GRM5: variants seen among roughly 807,000 people sequenced by gnomAD.
The protein encoded by GRM5 is glutamate metabotropic receptor 5.
A neutral mutation model predicts 83.1 loss-of-function variants in GRM5; 19 were observed. The ratio of observed to expected loss-of-function variants is 0.23; its 90% CI spans 0.16 to 0.34. The LOEUF is 0.34. Among genes scored for constraint, GRM5 ranks in the 10% least tolerant of loss-of-function variants. GRM5 has a pLI of 1.00. For synonymous variants in GRM5, 675 were observed against 633.6 expected (o/e 1.07, Z -0.98); for missense variants, 1,160 against 1,588.3 (o/e 0.73, Z 4.58).
intron 3 of GRM5, among the ~76,000 whole-genome samples, chr11:88,676,900 G>A (rs1004475081): frequency 3.3e-5 from 5 of 151,998 alleles, no homozygotes; most frequent in African/African-American, 1.2e-4. Flanking sequence ...TCATTTTGTT[G>A]AAATAACTCG....
Position 88,560,641 on chromosome 11 carries a change from G to A in GRM5, c.2630+6412C>T, listed in dbSNP as rs936299029. 3.9e-5 allele frequency among the ~76,000 whole-genome samples: 6 copies of A among 152,184 alleles called. 1 individual carries two copies. The highest frequency in any genetic ancestry group is 9.7e-5 in the African/African-American group (4 of 41,450). On this transcript the variant is annotated intron_variant, in intron 8 of 9. Transcript: ENST00000305447. Reference sequence around the variant, plus strand: ...AGTAATCTTGTTCACTCTGAAGGCAGTGTGAGCTCCATGAGGTGCTGCCCA... The same window carrying A: ...AGTAATCTTGTTCACTCTGAAGGCAATGTGAGCTCCATGAGGTGCTGCCCA...
intron 2 of GRM5, among the ~76,000 whole-genome samples, chr11:89,013,429 G>A (rs1354279354): frequency 2.6e-5 from 4 of 152,100 alleles, no homozygotes; most frequent in Non-Finnish European, 4.4e-5. Flanking sequence ...TCCATGTATG[G>A]CTTGAATCAA....
intron 9 of GRM5, among the ~76,000 whole-genome samples, chr11:88,517,845 T>G (rs1353341789): frequency 6.6e-6 from 1 of 152,098 alleles, no homozygotes. Context: ...ATAAAATATA[T>G]GCATATATAT....
At chr11:88,564,783 A>G (rs750145956) in intron 8 of GRM5, among the ~76,000 whole-genome samples, 2 of 152,204 alleles carry the variant, frequency 1.3e-5, no homozygotes, top group Non-Finnish European at 2.9e-5. Context: ...ATCCCTAAGG[A>G]GCTTGCTCTG....
intron 3 of GRM5, among the ~76,000 whole-genome samples, chr11:88,824,304 CA>C (rs1943855298): frequency 6.6e-6 from 1 of 152,106 alleles, no homozygotes; most frequent in Non-Finnish European, 1.5e-5. Context: ...AGGATATTAG[CA>C]GTCTTCGATG....
intron 3 of GRM5, among the ~76,000 whole-genome samples, chr11:88,782,566 C>G (rs1447259398): frequency 6.6e-6 from 1 of 152,132 alleles, no homozygotes. Flanking sequence ...CAAACCATAT[C>G]AATGGGTAAC....
chr11:88,696,558 T>G (rs1940907784), intron 3 of GRM5, among the ~76,000 whole-genome samples: 1 of 152,132 alleles, frequency 6.6e-6, no homozygotes, highest in Non-Finnish European at 1.5e-5. Flanking sequence ...GTGGTTTAAG[T>G]GAAGTGGTCA....
intron 4 of GRM5, 60 bp downstream of exon 4, chr11:88,653,108 G>A (rs895565504): frequency 1.9e-6 from 2 of 1,035,518 alleles, no homozygotes; most frequent in Non-Finnish European, 1.5e-6. Flanking sequence ...CCATGACATG[G>A]TTTACTTAAA....
At chr11:88,874,927 T>C (rs1228219574) in intron 2 of GRM5, among the ~76,000 whole-genome samples, 5 of 151,994 alleles carry the variant, frequency 3.3e-5, no homozygotes, top group Admixed American at 1.3e-4. Flanking sequence ...TGCTAATGAA[T>C]ATCTGTGCCT....
At chr11:88,637,528 T>A (rs1192639532) in intron 4 of GRM5, among the ~76,000 whole-genome samples, 1 of 151,708 alleles carries the variant, frequency 6.6e-6, no homozygotes, top group African/African-American at 2.4e-5. Flanking sequence ...AGAAGACATT[T>A]ATGCAGCCAA....
At chr11:88,994,466 T>TAC (rs1336734495) in intron 2 of GRM5, among the ~76,000 whole-genome samples, 47 of 105,076 alleles carry the variant, frequency 4.5e-4, no homozygotes, top group Non-Finnish European at 8.6e-4. Flanking sequence ...TATATATATA[T>TAC]ATATATATAT....
At chr11:88,878,966 A>T (rs1019623546) in intron 2 of GRM5, among the ~76,000 whole-genome samples, 1 of 152,144 alleles carries the variant, frequency 6.6e-6, no homozygotes, top group Non-Finnish European at 1.5e-5. Flanking sequence ...AATTTGGCGG[A>T]GGGGTTGATG....
intron 2 of GRM5, among the ~76,000 whole-genome samples, chr11:88,966,502 G>A (rs1056724564): frequency 1.3e-5 from 2 of 151,950 alleles, no homozygotes; most frequent in Non-Finnish European, 2.9e-5. Flanking sequence ...ATTGAATAAG[G>A]GACATCATTA....
chr11:88,954,831 C>T (rs1938560138), intron 2 of GRM5, among the ~76,000 whole-genome samples: 1 of 151,988 alleles, frequency 6.6e-6, no homozygotes, highest in Admixed American at 6.6e-5. Context: ...AACCTTAAAG[C>T]CTGGTGGTAG....
chr11:88,863,496 C>A (rs185660536), intron 2 of GRM5, among the ~76,000 whole-genome samples: 182 of 152,116 alleles, frequency 1.2e-3, no homozygotes, highest in African/African-American at 4.2e-3. Flanking sequence ...TTATCCTTAG[C>A]AAATGAATTG....
chr11:88,963,459 G>A (rs1213735437), intron 2 of GRM5, among the ~76,000 whole-genome samples: 5 of 152,200 alleles, frequency 3.3e-5, no homozygotes, highest in Non-Finnish European at 5.9e-5. Context: ...CAACATCTGT[G>A]TTATGTTTCA....
chr11:88,599,295 A>C (rs1472356479), intron 5 of GRM5, among the ~76,000 whole-genome samples: 1 of 152,216 alleles, frequency 6.6e-6, no homozygotes, highest in African/African-American at 2.4e-5. Flanking sequence ...GTTAAACCTT[A>C]ATTTCAGTTG....
chr11:88,941,322 T>C (rs1268441701), intron 2 of GRM5, among the ~76,000 whole-genome samples: 2 of 150,466 alleles, frequency 1.3e-5, no homozygotes, highest in South Asian at 2.1e-4. Context: ...ATCATGAAAC[T>C]AATGGAACAT....
At chr11:89,010,508 G>C (rs1591045306) in intron 2 of GRM5, among the ~76,000 whole-genome samples, 1 of 152,018 alleles carries the variant, frequency 6.6e-6, no homozygotes, top group East Asian at 1.9e-4. Flanking sequence ...CCTAGATTAG[G>C]GTCCTTAGCC....
Sources: allele counts gnomAD v4.1 joint callset (sites outside exome capture counted in the v4.1 genomes callset), GRCh38; gene constraint gnomAD v4.1.1; transcripts MANE v1.5; gene names NCBI Gene and HGNC (gene_info 2026-07-23, HGNC 2026-07-21).